The following EBF3 variants were observed in gnomAD, a reference collection of about 807,000 sequenced individuals.
EBF3 encodes the protein transcription factor COE3.
In EBF3, 18 loss-of-function variants were observed where a neutral mutation model predicts 77.1. The observed-to-expected ratio is 0.23, with a 90% CI of 0.16 to 0.35. The LOEUF (loss-of-function observed/expected upper bound fraction) is 0.35, where lower values mean the gene tolerates loss of function less well. EBF3 is among the 10% of genes least tolerant of loss of function. The probability of loss-of-function intolerance (pLI) is 1.00; values close to 1 mark genes in which losing one functional copy is unlikely to be tolerated. For missense variants in EBF3, 558 were observed against 860.0 expected, an observed-to-expected ratio of 0.65 and a Z score of 4.39; for synonymous variants, 350 against 343.5, an observed-to-expected ratio of 1.02 and a Z score of -0.21.
chr10:129,837,701 G>T lies in EBF3; in HGVS notation c.*242C>A. The stretch of plus-strand genomic sequence containing the variant: ...TCAGGACTGAGAAATGTGAAAATAT[G>T]AGAAAAGTTCAGTCAATAAAATGGA... On this transcript the variant is annotated 3_prime_UTR_variant, in exon 17 of 17. Coordinates refer to ENST00000440978, the MANE Select transcript of EBF3 (RefSeq NM_001375380.1). The T allele has an allele frequency of 8.6e-5, 45 of 524,512 alleles. No homozygotes were observed. The highest frequency in any genetic ancestry group is 1.0e-4 in the Non-Finnish European group (31 of 297,296). 32.5% of individuals were successfully genotyped at this position (524,512 alleles called of 1,614,324 possible).
At position 129,837,974 on chromosome 10, in the gene EBF3, G is replaced by T. The variant is rs761091737; in HGVS notation, c.1873-14C>A. On this transcript the variant is annotated splice_polypyrimidine_tract_variant and intron_variant, in intron 16 of 16. Coordinates refer to ENST00000440978, the MANE Select transcript of EBF3 (RefSeq NM_001375380.1). ...GCCCAGACATAGCTGCAAGACAGAA[G>T]GACAGAGCAGTTACTGCAGGCTCCC... 1.2e-6 allele frequency: 2 copies of T among 1,614,032 alleles called. No homozygotes were observed. The highest frequency in any genetic ancestry group is 2.2e-5 in the South Asian group (2 of 91,082).
intron 11 of EBF3, among the ~76,000 whole-genome samples, chr10:129,847,197 C>T (rs1473392582): frequency 5.3e-5 from 8 of 152,032 alleles, no homozygotes. Context: ...CTGAGGGCCA[C>T]CCAGCCTCAA....
At chr10:129,959,399 G>T (rs1383957351) in intron 4 of EBF3, among the ~76,000 whole-genome samples, 1 of 152,088 alleles carries the variant, frequency 6.6e-6, no homozygotes, top group Non-Finnish European at 1.5e-5. Flanking sequence ...CCGCGCCGCC[G>T]CCAGGCCGCG....
chr10:129,926,975 G>A (rs1475575124), intron 6 of EBF3, among the ~76,000 whole-genome samples: 1 of 152,204 alleles, frequency 6.6e-6, no homozygotes, highest in African/African-American at 2.4e-5. Context: ...CTGAACAGGT[G>A]GGCATCCTCC....
At chr10:129,933,544 C>T (rs1343504412) in intron 6 of EBF3, among the ~76,000 whole-genome samples, 2 of 152,338 alleles carry the variant, frequency 1.3e-5, no homozygotes, top group South Asian at 4.1e-4. Flanking sequence ...TTGAAGCCCT[C>T]GGAAGCCGCT....
chr10:129,922,730 G>A (rs184625364), intron 6 of EBF3, among the ~76,000 whole-genome samples: 76 of 152,336 alleles, frequency 5.0e-4, no homozygotes, highest in African/African-American at 1.6e-3. Flanking sequence ...TGTGAACCCC[G>A]ACTGCAGCCC....
At chr10:129,878,046 A>G (rs528771324) in intron 6 of EBF3, among the ~76,000 whole-genome samples, 197 bp from the exon 7 acceptor site, 4 of 152,248 alleles carry the variant, frequency 2.6e-5, no homozygotes, top group Non-Finnish European at 2.9e-5. Context: ...ACAGGAGAGC[A>G]GTGAGTTGCA....
Position 129,848,638 on chromosome 10 carries a change from T to TC in EBF3, c.1040-159dup, listed in dbSNP as rs1850642331. On this transcript the variant is annotated intron_variant, in intron 10 of 16. Transcript: ENST00000440978. This position sits in a 1 kb window ranked among gnomAD's most constrained non-coding sequence, Gnocchi z 4.4. ...TAGCTGTGTCTTAAGGAATAGATTT[T>TC]CCCCCTTTCTTTTGCACATAAAAGC... Among the ~76,000 whole-genome samples the TC allele has an allele frequency of 6.6e-6, 1 of 152,150 alleles. No individual in the cohort carries two copies. The highest frequency in any genetic ancestry group is 2.1e-4 in the South Asian group (1 of 4,826).
intron 6 of EBF3, among the ~76,000 whole-genome samples, chr10:129,880,898 T>A (rs1040317450): frequency 2.0e-5 from 3 of 152,204 alleles, no homozygotes; most frequent in African/African-American, 7.2e-5. Flanking sequence ...TGTGCAGAGT[T>A]ACACACGGAG....
chr10:129,854,911 C>T (rs536276111), intron 10 of EBF3, among the ~76,000 whole-genome samples: 7 of 152,350 alleles, frequency 4.6e-5, no homozygotes, highest in African/African-American at 1.7e-4. Context: ...CGGCCTGGCT[C>T]CCCAGCCTGG....
chr10:129,887,352 C>T (rs1357947949), intron 6 of EBF3, among the ~76,000 whole-genome samples: 1 of 152,210 alleles, frequency 6.6e-6, no homozygotes, highest in Non-Finnish European at 1.5e-5. Context: ...TGAGCCCAAG[C>T]GCTGTCTTGT....
At chr10:129,931,618 GATGTCTGCCCT>G (rs1857033496) in intron 6 of EBF3, among the ~76,000 whole-genome samples, 1 of 152,262 alleles carries the variant, frequency 6.6e-6, no homozygotes, top group South Asian at 2.1e-4. Context: ...ACTTGCTCTT[GATGTCTGCCCT>G]GATGCCTGAC....
At position 129,903,028 on chromosome 10, in the gene EBF3, C is replaced by T. The variant is rs540615984; in HGVS notation, c.555-25179G>A. Among the ~76,000 whole-genome samples, 6 of 152,350 alleles carry T rather than the reference C, an allele frequency of 3.9e-5. 1 individual carries two copies. The highest frequency in any genetic ancestry group is 2.1e-4 in the South Asian group (1 of 4,822). ...TGCCTTCCAGGATTTGGAATGAAAA[C>T]GCCTACAAGACACAGAAGCAACACA... On this transcript the variant is annotated intron_variant, in intron 6 of 16. Transcript: ENST00000440978.
chr10:129,926,665 T>C (rs1302149983), intron 6 of EBF3, among the ~76,000 whole-genome samples: 2 of 151,942 alleles, frequency 1.3e-5, no homozygotes, highest in Non-Finnish European at 2.9e-5. Context: ...ACAGGCTTAC[T>C]CACTACCCAA....
rs756083098 is a variant in EBF3, at chr10:129,873,468, A to AG, written c.764dup (p.Ser256PhefsTer17). The stretch of plus-strand genomic sequence containing the variant: ...TGTGCCTACCATTTTCCAGATAAGA[A>AG]GGGGCCGTACCTTCTGACGGGTCTA... On this transcript the variant is annotated frameshift_variant, in exon 8 of 17. Transcript: ENST00000440978. LOFTEE classifies it high-confidence loss of function. 1 of 1,541,476 alleles carries AG rather than the reference A, an allele frequency of 6.5e-7. No homozygotes were observed. The highest frequency in any genetic ancestry group is 2.1e-5 in the Admixed American group (1 of 47,208).
chr10:129,868,221 C>T (rs927828474), intron 8 of EBF3, among the ~76,000 whole-genome samples: 6 of 152,240 alleles, frequency 3.9e-5, no homozygotes, highest in African/African-American at 1.4e-4. Context: ...TGTGGCATGT[C>T]GATTTATCTG....
chr10:129,945,546 T>TA (rs773432550), intron 6 of EBF3, among the ~76,000 whole-genome samples: 1 of 152,188 alleles, frequency 6.6e-6, no homozygotes, highest in Non-Finnish European at 1.5e-5. Context: ...CTAATGAGTT[T>TA]ACTAAACATT....
At chr10:129,896,229 A>G (rs1854362326) in intron 6 of EBF3, among the ~76,000 whole-genome samples, 1 of 152,212 alleles carries the variant, frequency 6.6e-6, no homozygotes, top group South Asian at 2.1e-4. Context: ...TGTATCGTCC[A>G]ACTCTGCCAA....
intron 6 of EBF3, among the ~76,000 whole-genome samples, chr10:129,946,014 CAAAAAAAA>C (rs551660356): frequency 9.5e-6 from 1 of 104,980 alleles, no homozygotes; most frequent in Non-Finnish European, 2.1e-5. Flanking sequence ...TATTTCCTTC[CAAAAAAAA>C]AAAAAAATCC....
Sources: gnomAD v4.1 joint callset for allele counts (sites outside exome capture counted in the v4.1 genomes callset) on GRCh38, gnomAD v4.1.1 for gene constraint, Gnocchi (gnomAD v3.1) non-coding constraint, MANE v1.5 for transcripts, NCBI Gene and HGNC (gene_info 2026-07-23, HGNC 2026-07-21) for gene names.